Variants in PSD3 observed in about 807,000 individuals in gnomAD.
The protein encoded by PSD3 is PH and SEC7 domain-containing protein 3.
In PSD3, 49 loss-of-function variants were observed where a neutral mutation model predicts 105.5. The ratio of observed to expected loss-of-function variants is 0.46; its 90% CI spans 0.37 to 0.59. PSD3 has a LOEUF of 0.59. PSD3 is among the 20% of genes least tolerant of loss of function. The pLI, the probability that PSD3 is intolerant of heterozygous loss-of-function variation, is 0.00. For missense variants in PSD3, 1,561 were observed against 1,263.8 expected (o/e 1.24, Z -3.57); for synonymous variants, 557 against 457.8 (o/e 1.22, Z -2.77).
At chr8:18,680,996 T>TCA (rs1476573287) in intron 9 of PSD3, among the ~76,000 whole-genome samples, 1 of 44,210 alleles carries the variant, frequency 2.3e-5, no homozygotes, top group East Asian at 4.8e-4. Flanking sequence ...AATAAACCAT[T>TCA]ATGTTTTAAT....
intron 1 of PSD3, among the ~76,000 whole-genome samples, chr8:18,977,088 C>A (rs1176529041): frequency 6.6e-6 from 1 of 151,804 alleles, no homozygotes; most frequent in Non-Finnish European, 1.5e-5. Flanking sequence ...GGTGAAACCC[C>A]ATTTCTACTA....
At chr8:19,026,877 A>AC (rs1483657514) in intron 1 of PSD3, among the ~76,000 whole-genome samples, 1 of 151,460 alleles carries the variant, frequency 6.6e-6, no homozygotes, top group African/African-American at 2.4e-5. Context: ...CTGCCCCCCC[A>AC]CCCAAAAATA....
intron 1 of PSD3, among the ~76,000 whole-genome samples, chr8:19,059,131 A>C (rs886777752): frequency 1.3e-5 from 2 of 152,180 alleles, no homozygotes; most frequent in Non-Finnish European, 2.9e-5. Flanking sequence ...TTTAGCAGAG[A>C]CATGAAAAGC....
rs1328268785 is a variant in PSD3 at position 18,632,630 on chromosome 8, T to A, written c.2393A>T (p.Asp798Val). The A allele has an allele frequency of 6.2e-7, 1 of 1,611,912 alleles. No individual in the cohort carries two copies. ...ATACTTACTCTTCTTTCCATCCATA[T>A]CTGCATGAATTTTCCGAGCCAAGAA... Reference protein sequence around the residue: ...SGFLARKIHADMDGKKTPRGK... With the variant: ...SGFLARKIHAVMDGKKTPRGK... The change falls in exon 11 of 16, where the codon GAT (aspartate) becomes GTT (valine). Residue 798 changes from aspartate (D) to valine (V), a missense_variant. By Grantham distance (152) the Asp-to-Val change is radical. Transcript: ENST00000327040.
At chr8:18,931,865 G>A (rs1189569567) in intron 2 of PSD3, among the ~76,000 whole-genome samples, 7 of 152,098 alleles carry the variant, frequency 4.6e-5, no homozygotes, top group Admixed American at 4.6e-4. Flanking sequence ...TGACTTTTAC[G>A]TCTTTCCAAT....
intron 2 of PSD3, among the ~76,000 whole-genome samples, chr8:18,895,971 C>G (rs990565113): frequency 2.0e-5 from 3 of 152,190 alleles, no homozygotes; most frequent in Non-Finnish European, 4.4e-5. Flanking sequence ...CTCCCCTTCC[C>G]CTCCACACTT....
chr8:18,819,733 C>A (rs574832396), intron 4 of PSD3, among the ~76,000 whole-genome samples: 1 of 152,096 alleles, frequency 6.6e-6, no homozygotes, highest in South Asian at 2.1e-4. Context: ...CGCCCACCAC[C>A]ACGCCCAGCT....
chr8:18,842,895 G>T (rs13273408), intron 4 of PSD3, among the ~76,000 whole-genome samples: 2 of 152,084 alleles, frequency 1.3e-5, no homozygotes. Flanking sequence ...TTCCTCAGAA[G>T]TTCCCTCTTG....
intron 9 of PSD3, chr8:18,683,722 C>A (rs953892575): frequency 1.3e-6 from 1 of 749,578 alleles, no homozygotes; most frequent in Non-Finnish European, 2.4e-6. Context: ...CTATCCAATT[C>A]TGTTGCCCTG....
At chr8:18,783,608 A>G (rs2129445516) in intron 8 of PSD3, among the ~76,000 whole-genome samples, 1 of 152,228 alleles carries the variant, frequency 6.6e-6, no homozygotes, top group African/African-American at 2.4e-5. Context: ...GTATACCATA[A>G]GTTTTTTATG....
chr8:19,056,637 T>C (rs1416512567), intron 1 of PSD3, among the ~76,000 whole-genome samples: 1 of 152,228 alleles, frequency 6.6e-6, no homozygotes, highest in Non-Finnish European at 1.5e-5. Context: ...ATTATCAGTT[T>C]GGCTCCTTCA....
intron 4 of PSD3, among the ~76,000 whole-genome samples, chr8:18,809,767 C>A (rs976383361): frequency 1.3e-5 from 2 of 152,050 alleles, no homozygotes; most frequent in African/African-American, 4.8e-5. Flanking sequence ...CTTGTTTCTG[C>A]GATTTTATTC....
intron 1 of PSD3, among the ~76,000 whole-genome samples, chr8:19,036,857 G>C (rs1445506516): frequency 1.3e-5 from 2 of 152,136 alleles, no homozygotes; most frequent in Non-Finnish European, 2.9e-5. Context: ...TACTCATCTA[G>C]GGCCAGAAGA....
rs183214627 is a variant in PSD3 at position 18,997,445 on chromosome 8, A to G, written c.21+16118T>C. 3.1e-3 allele frequency among the ~76,000 whole-genome samples: 472 copies of G among 152,050 alleles called. 7 individuals are homozygous for G. The highest frequency in any genetic ancestry group is 0.011 in the African/African-American group (455 of 41,472). On this transcript the variant is annotated intron_variant, in intron 1 of 15. Coordinates refer to ENST00000327040, the MANE Select transcript of PSD3 (RefSeq NM_015310.4). ...GCCACCACCCTCACTCACCTAGGTT[A>G]CAACAGCCTCCCAACTGGTTTTCCT...
At chr8:19,032,254 AC>A (rs1827795413) in intron 1 of PSD3, among the ~76,000 whole-genome samples, 1 of 111,052 alleles carries the variant, frequency 9.0e-6, no homozygotes, top group Non-Finnish European at 2.1e-5. Context: ...CACTTGCACT[AC>A]CCCCCAACAA....
intron 1 of PSD3, among the ~76,000 whole-genome samples, chr8:19,055,229 T>C (rs1310177407): frequency 6.6e-6 from 1 of 152,210 alleles, no homozygotes; most frequent in Non-Finnish European, 1.5e-5. Context: ...ACAAAACTAA[T>C]GACATGTTTA....
At chr8:18,857,257 C>T (rs542667612) in intron 4 of PSD3, among the ~76,000 whole-genome samples, 48 of 152,310 alleles carry the variant, frequency 3.2e-4, no homozygotes, top group African/African-American at 1.2e-3. Flanking sequence ...GCAGTAAACG[C>T]CTCTCAAAAG....
intron 11 of PSD3, among the ~76,000 whole-genome samples, chr8:18,630,418 G>C (rs1333126069): frequency 6.6e-6 from 1 of 151,894 alleles, no homozygotes. Context: ...CTCCAATAGA[G>C]GAGGTTTCCT....
intron 11 of PSD3, among the ~76,000 whole-genome samples, chr8:18,601,331 T>G (rs572918077): frequency 6.6e-6 from 1 of 151,482 alleles, no homozygotes; most frequent in Non-Finnish European, 1.5e-5. Context: ...TGAATATCAT[T>G]TTTCTAAACA....
Sources: allele counts gnomAD v4.1 joint callset (sites outside exome capture counted in the v4.1 genomes callset), GRCh38; gene constraint gnomAD v4.1.1; transcripts MANE v1.5; gene names NCBI Gene and HGNC (gene_info 2026-07-23, HGNC 2026-07-21).